Variants in MAN1A1 observed in about 807,000 individuals in gnomAD.
MAN1A1 encodes mannosyl-oligosaccharide 1,2-alpha-mannosidase IA.
A neutral mutation model predicts 70.8 loss-of-function variants in MAN1A1; 29 were observed. The observed-to-expected ratio is 0.41, with a 90% CI of 0.31 to 0.56. The LOEUF is 0.56. Among genes scored for constraint, MAN1A1 ranks in the 20% least tolerant of loss-of-function variants. MAN1A1 has a pLI of 0.29. For missense variants in MAN1A1, 747 were observed against 841.3 expected (o/e 0.89, Z 1.39); for synonymous variants, 349 against 330.1 (o/e 1.06, Z -0.62).
intron 8 of MAN1A1, among the ~76,000 whole-genome samples, chr6:119,198,015 A>C (rs189020547): frequency 6.6e-6 from 1 of 152,188 alleles, no homozygotes; most frequent in South Asian, 2.1e-4. Context: ...ACTTTTCTTC[A>C]GCTTTTGAAA....
chr6:119,310,090 T>G (rs921104802), intron 2 of MAN1A1, among the ~76,000 whole-genome samples: 4 of 152,226 alleles, frequency 2.6e-5, no homozygotes, highest in African/African-American at 9.6e-5. Context: ...GTAAGAAAAC[T>G]AATTAAATGT....
intron 5 of MAN1A1, among the ~76,000 whole-genome samples, chr6:119,287,998 C>A (rs951662150): frequency 6.6e-6 from 1 of 151,934 alleles, no homozygotes; most frequent in African/African-American, 2.4e-5. Flanking sequence ...AACTGAGCTA[C>A]GAGGTTTCAA....
chr6:119,270,194 G>C (rs2114373945), intron 5 of MAN1A1, among the ~76,000 whole-genome samples: 1 of 152,166 alleles, frequency 6.6e-6, no homozygotes, highest in East Asian at 1.9e-4. Context: ...CTGGTTAGTG[G>C]AAAATATTAA....
At chr6:119,184,736 A>C (rs975850718) in intron 11 of MAN1A1, among the ~76,000 whole-genome samples, 1 of 152,152 alleles carries the variant, frequency 6.6e-6, no homozygotes, top group African/African-American at 2.4e-5. Flanking sequence ...GCCAAAAAAA[A>C]ATCCCAAATC....
At chr6:119,230,634 T>C (rs1345711005) in intron 6 of MAN1A1, among the ~76,000 whole-genome samples, 1 of 152,228 alleles carries the variant, frequency 6.6e-6, no homozygotes, top group East Asian at 1.9e-4. Flanking sequence ...CTAATGTTTG[T>C]CTCTTCCCTA....
At chr6:119,216,026 A>G (rs1774191149) in intron 6 of MAN1A1, among the ~76,000 whole-genome samples, 2 of 152,172 alleles carry the variant, frequency 1.3e-5, no homozygotes, top group Admixed American at 1.3e-4. Flanking sequence ...TAAGTTAGGC[A>G]TGAGTCTGCA....
chr6:119,329,522 T>A (rs195067), intron 2 of MAN1A1, among the ~76,000 whole-genome samples: 1 of 151,764 alleles, frequency 6.6e-6, no homozygotes, highest in African/African-American at 2.4e-5. Flanking sequence ...ATCTCTTGTA[T>A]CAGATTCTCA....
chr6:119,193,381 A>C (rs1773489977), intron 9 of MAN1A1, among the ~76,000 whole-genome samples: 2 of 151,920 alleles, frequency 1.3e-5, no homozygotes, highest in Admixed American at 1.3e-4. Context: ...TCTGGGGACA[A>C]GTTTACTTCA....
In MAN1A1 at chr6:119,179,031, A is replaced by G. The variant is rs1773077973; in HGVS notation, c.*788T>C. ...CTTCAGATAAATGTAATTCAGTGAT[A>G]GCAGAGCTCTGCAAAATTTGAAAGC... On this transcript the variant is annotated 3_prime_UTR_variant, in exon 13 of 13. Transcript: ENST00000368468. The G allele has an allele frequency of 6.6e-6, 1 of 152,180 alleles. No individual in the cohort carries two copies. Among genetic ancestry groups the G allele is most frequent in the Non-Finnish European group, 1.5e-5 (1 of 67,988 alleles). 9.4% of individuals were successfully genotyped at this position (152,180 alleles called of 1,614,324 possible). A position where few individuals can be genotyped will look rare whatever the true frequency, so the allele number is the denominator to read the frequency against.
chr6:119,328,328 G>C (rs1460349704), intron 2 of MAN1A1, among the ~76,000 whole-genome samples: 1 of 152,172 alleles, frequency 6.6e-6, no homozygotes, highest in Non-Finnish European at 1.5e-5. Context: ...AAACAGTTGT[G>C]CATCCGCTCA....
chr6:119,210,875 A>G (rs1312349083), intron 6 of MAN1A1: 4 of 455,552 alleles, frequency 8.8e-6, no homozygotes, highest in Non-Finnish European at 1.8e-5. Flanking sequence ...GTGTGGGCCA[A>G]TGATATCCCA....
intron 3 of MAN1A1, 139 bp downstream of exon 3, chr6:119,306,757 T>C: frequency 1.5e-6 from 1 of 668,422 alleles, no homozygotes; most frequent in Non-Finnish European, 2.7e-6. Flanking sequence ...GCACAATCCT[T>C]ATCTAATTCC....
intron 6 of MAN1A1, among the ~76,000 whole-genome samples, chr6:119,211,642 C>T (rs991563344): frequency 3.3e-5 from 5 of 152,042 alleles, no homozygotes; most frequent in African/African-American, 1.2e-4. Flanking sequence ...CATGATTTAC[C>T]ATCACAAATT....
chr6:119,301,046 C>G (rs535709876), intron 4 of MAN1A1, among the ~76,000 whole-genome samples: 3 of 152,222 alleles, frequency 2.0e-5, no homozygotes. Context: ...GAGGCAACAG[C>G]AGGGAAATTC....
intron 2 of MAN1A1, among the ~76,000 whole-genome samples, chr6:119,334,864 C>T (rs1773411494): frequency 6.6e-6 from 1 of 152,194 alleles, no homozygotes; most frequent in African/African-American, 2.4e-5. Flanking sequence ...TCTTTCTATG[C>T]CCTGAAGGTA....
intron 6 of MAN1A1, among the ~76,000 whole-genome samples, chr6:119,244,945 G>T (rs1380965598): frequency 2.0e-5 from 3 of 152,086 alleles, no homozygotes; most frequent in Non-Finnish European, 2.9e-5. Context: ...TCAAATAAAT[G>T]CTTAGTTTTG....
chr6:119,343,574 A>G (rs1016539315), intron 2 of MAN1A1, among the ~76,000 whole-genome samples: 1 of 152,224 alleles, frequency 6.6e-6, no homozygotes, highest in African/African-American at 2.4e-5. Context: ...GGGATAAGAT[A>G]TAGTTCAATC....
chr6:119,248,236 G>T (rs751824737), intron 6 of MAN1A1, 24 bp downstream of exon 6: 8 of 1,445,350 alleles, frequency 5.5e-6, no homozygotes, highest in Middle Eastern at 1.7e-4. Flanking sequence ...CTTAAAACAT[G>T]TTGTTGAAAA....
chr6:119,348,072 T>C (rs1401343722), intron 2 of MAN1A1, among the ~76,000 whole-genome samples: 1 of 152,174 alleles, frequency 6.6e-6, no homozygotes, highest in Non-Finnish European at 1.5e-5. Context: ...GCGTGAAGAC[T>C]CACTTTAAAG....
Sources: gnomAD v4.1 joint callset for allele counts (sites outside exome capture counted in the v4.1 genomes callset) on GRCh38, gnomAD v4.1.1 for gene constraint, MANE v1.5 for transcripts, NCBI Gene and HGNC (gene_info 2026-07-23, HGNC 2026-07-21) for gene names.